Variants in PEBP4 observed in about 807,000 individuals in gnomAD.
PEBP4 encodes the protein phosphatidylethanolamine binding protein 4, also known as phosphatidylethanolamine-binding protein 4.
In PEBP4, 22 loss-of-function variants were observed where a neutral mutation model predicts 23.9. The observed-to-expected ratio is 0.92, with a 90% CI of 0.66 to 1.31. The LOEUF (loss-of-function observed/expected upper bound fraction) is 1.31. PEBP4 is among the 40% of genes most tolerant of loss of function. The pLI, the probability that PEBP4 is intolerant of heterozygous loss-of-function variation, is 0.00. For synonymous variants in PEBP4, 112 were observed against 99.3 expected (o/e 1.13, Z -0.76); for missense variants, 324 against 281.7 (o/e 1.15, Z -1.07).
At chr8:22,843,798 T>C (rs1464226430) in intron 3 of PEBP4, among the ~76,000 whole-genome samples, 1 of 152,090 alleles carries the variant, frequency 6.6e-6, no homozygotes, top group Non-Finnish European at 1.5e-5. Flanking sequence ...AGAGCCTGGA[T>C]TCTGGATCAA....
chr8:22,742,388 A>G (rs1805015597), intron 4 of PEBP4, among the ~76,000 whole-genome samples: 1 of 152,150 alleles, frequency 6.6e-6, no homozygotes, highest in Admixed American at 6.5e-5. Flanking sequence ...GCCAGCCCTA[A>G]TGGGAAAGAG....
At position 22,865,568 on chromosome 8, in the gene PEBP4, C is replaced by G. The variant is rs911764120; in HGVS notation, c.259-47833G>C. Among the ~76,000 whole-genome samples the G allele has an allele frequency of 2.0e-5, 3 of 152,116 alleles. No homozygotes were observed. The highest frequency in any genetic ancestry group is 7.2e-5 in the African/African-American group (3 of 41,450). ...CTGCCGGTGCCGGTGCCGCAGCCGC[C>G]GGGGAAGGAATTCCCTCCGCCCGGG... On this transcript the variant is annotated intron_variant, in intron 3 of 6. Coordinates refer to ENST00000256404, the MANE Select transcript of PEBP4 (RefSeq NM_144962.3). The surrounding 1 kb of genome is among the most constrained non-coding windows in gnomAD (Gnocchi z 6.9).
chr8:22,877,576 C>T (rs566199664), intron 3 of PEBP4, among the ~76,000 whole-genome samples: 6 of 152,170 alleles, frequency 3.9e-5, no homozygotes, highest in South Asian at 2.1e-4. Flanking sequence ...TGTGAACACA[C>T]GGGCGGGCTC....
intron 3 of PEBP4, among the ~76,000 whole-genome samples, chr8:22,919,627 GTTC>G (rs1402716135): frequency 6.6e-6 from 1 of 152,136 alleles, no homozygotes; most frequent in Non-Finnish European, 1.5e-5. Flanking sequence ...AAAATGCTTT[GTTC>G]TTCTTTTACA....
chr8:22,846,364 G>C (rs1310207728), intron 3 of PEBP4, among the ~76,000 whole-genome samples: 1 of 152,176 alleles, frequency 6.6e-6, no homozygotes, highest in East Asian at 1.9e-4. Flanking sequence ...GCTCTTAGAA[G>C]TAGGAGCTCC....
intron 4 of PEBP4, among the ~76,000 whole-genome samples, chr8:22,809,561 C>A (rs6557595): frequency 0.5 from 75,466 of 151,804 alleles, 19,389 homozygotes; most frequent in South Asian, 0.66. Context: ...AATCTCAGGC[C>A]GCCACTTGCT....
chr8:22,898,803 T>C (rs914829616), intron 3 of PEBP4, among the ~76,000 whole-genome samples: 1 of 152,014 alleles, frequency 6.6e-6, no homozygotes, highest in Admixed American at 6.5e-5. Context: ...GCAGGGCAGG[T>C]TGCGGGATGA....
At chr8:22,717,585 G>A (rs1563192342) in intron 6 of PEBP4, among the ~76,000 whole-genome samples, 1 of 152,200 alleles carries the variant, frequency 6.6e-6, no homozygotes, top group Non-Finnish European at 1.5e-5. Context: ...ACAAGGAGTG[G>A]GTTGCTGAGA....
intron 3 of PEBP4, among the ~76,000 whole-genome samples, chr8:22,863,712 G>A (rs1262358412): frequency 6.6e-6 from 1 of 152,140 alleles, no homozygotes; most frequent in African/African-American, 2.4e-5. Flanking sequence ...GAGACAGAGG[G>A]TGGGTCTCTG....
chr8:22,903,191 C>G (rs1563255175), intron 3 of PEBP4, among the ~76,000 whole-genome samples: 1 of 152,272 alleles, frequency 6.6e-6, no homozygotes, highest in East Asian at 1.9e-4. Context: ...TGAGAGCCAG[C>G]CATGATATTG....
chr8:22,828,411 C>G (rs1358014554), intron 3 of PEBP4, among the ~76,000 whole-genome samples: 2 of 152,318 alleles, frequency 1.3e-5, no homozygotes, highest in African/African-American at 2.4e-5. Context: ...TTTTCCTCCT[C>G]TATCTCTAAA....
chr8:22,859,167 C>A (rs1807714704), intron 3 of PEBP4, among the ~76,000 whole-genome samples: 1 of 152,190 alleles, frequency 6.6e-6, no homozygotes, highest in East Asian at 1.9e-4. Context: ...GCCTATAAAG[C>A]AAACTACGGC....
intron 3 of PEBP4, among the ~76,000 whole-genome samples, chr8:22,876,402 A>G (rs1484016537): frequency 1.3e-5 from 2 of 152,216 alleles, no homozygotes; most frequent in African/African-American, 4.8e-5. Flanking sequence ...TGTGTGTTGA[A>G]GGACTGAAAG....
At chr8:22,899,571 G>A (rs915557033) in intron 3 of PEBP4, among the ~76,000 whole-genome samples, 5 of 152,086 alleles carry the variant, frequency 3.3e-5, no homozygotes, top group Admixed American at 1.3e-4. Context: ...TGGAACCTGC[G>A]ACTCACCCCG....
chr8:22,833,707 G>A (rs546412700), intron 3 of PEBP4, among the ~76,000 whole-genome samples: 4 of 152,304 alleles, frequency 2.6e-5, no homozygotes, highest in South Asian at 2.1e-4. Flanking sequence ...CTTCACGATC[G>A]TGATTAGTGG....
At chr8:22,716,790 C>T (rs775899549) in intron 6 of PEBP4, among the ~76,000 whole-genome samples, 1 of 152,220 alleles carries the variant, frequency 6.6e-6, no homozygotes, top group Non-Finnish European at 1.5e-5. Context: ...GATCGGCTCC[C>T]CTGCCAGAAG....
At chr8:22,781,764 G>T (rs1466169532) in intron 4 of PEBP4, among the ~76,000 whole-genome samples, 3 of 152,232 alleles carry the variant, frequency 2.0e-5, no homozygotes, top group Non-Finnish European at 2.9e-5. Flanking sequence ...ATTTGGCTCA[G>T]GCTCAGGGAC....
intron 3 of PEBP4, among the ~76,000 whole-genome samples, chr8:22,851,258 C>T (rs866281897): frequency 2.0e-5 from 3 of 152,270 alleles, no homozygotes; most frequent in East Asian, 3.9e-4. Context: ...GCGAAAGACC[C>T]GGAGCCCAAA....
chr8:22,847,249 T>A (rs1357537554), intron 3 of PEBP4, among the ~76,000 whole-genome samples: 1 of 152,182 alleles, frequency 6.6e-6, no homozygotes, highest in Non-Finnish European at 1.5e-5. Context: ...GAGCCGAAAG[T>A]CAGATCTGCC....
Sources: allele counts gnomAD v4.1 joint callset (sites outside exome capture counted in the v4.1 genomes callset), GRCh38; gene constraint gnomAD v4.1.1; non-coding constraint Gnocchi (gnomAD v3.1); transcripts MANE v1.5; gene names NCBI Gene and HGNC (gene_info 2026-07-23, HGNC 2026-07-21).